PTGFR: variants seen among roughly 807,000 people sequenced by gnomAD.
The protein encoded by PTGFR is prostaglandin F2-alpha receptor.
Under a neutral mutation model 26.2 loss-of-function variants are expected in PTGFR, and 15 were observed. The ratio of observed to expected loss-of-function variants is 0.57; its 90% CI spans 0.38 to 0.88. The LOEUF (loss-of-function observed/expected upper bound fraction) is 0.88, where lower values mean the gene tolerates loss of function less well. PTGFR is among the 40% of genes least tolerant of loss of function. The pLI is 0.00. For synonymous variants in PTGFR, 165 were observed against 151.1 expected, an observed-to-expected ratio of 1.09 and a Z score of -0.68; for missense variants, 369 against 427.2, an observed-to-expected ratio of 0.86 and a Z score of 1.20.
intron 2 of PTGFR, among the ~76,000 whole-genome samples, chr1:78,532,644 T>C (rs564566811): frequency 6.6e-6 from 1 of 151,464 alleles, no homozygotes; most frequent in South Asian, 2.1e-4. Context: ...CTCTGCTCAC[T>C]GCAACCTCTG....
At chr1:78,513,102 C>G (rs1003441853) in intron 2 of PTGFR, among the ~76,000 whole-genome samples, 1 of 152,078 alleles carries the variant, frequency 6.6e-6, no homozygotes, top group African/African-American at 2.4e-5. Flanking sequence ...AGGACTAACA[C>G]AGAAAATTTA....
At chr1:78,506,231 A>G (rs1297575996) in intron 2 of PTGFR, among the ~76,000 whole-genome samples, 1 of 151,954 alleles carries the variant, frequency 6.6e-6, no homozygotes. Flanking sequence ...ATATTTTATT[A>G]TAATGGCTTT....
intron 2 of PTGFR, among the ~76,000 whole-genome samples, chr1:78,505,670 A>C (rs1392456168): frequency 2.0e-5 from 3 of 152,156 alleles, no homozygotes; most frequent in Non-Finnish European, 2.9e-5. Context: ...CCCAAAAGAA[A>C]ACCCTATATC....
chr1:78,500,912 G>T (rs774930642), intron 2 of PTGFR, among the ~76,000 whole-genome samples: 4 of 152,128 alleles, frequency 2.6e-5, no homozygotes, highest in Non-Finnish European at 5.9e-5. Flanking sequence ...GCTAGGATGA[G>T]AATTTACTCA....
At chr1:78,493,975 A>C (rs569573819) in intron 2 of PTGFR, among the ~76,000 whole-genome samples, 125 of 152,360 alleles carry the variant, frequency 8.2e-4, no homozygotes, top group Non-Finnish European at 1.5e-3. Context: ...AATGACCAGA[A>C]CTGCAAAGGG....
At chr1:78,518,119 A>C (rs1650136355) in intron 2 of PTGFR, among the ~76,000 whole-genome samples, 1 of 152,116 alleles carries the variant, frequency 6.6e-6, no homozygotes, top group South Asian at 2.1e-4. Flanking sequence ...CCAGAACTTA[A>C]AGTAGAATAA....
chr1:78,511,882 A>G (rs144932584), intron 2 of PTGFR, among the ~76,000 whole-genome samples: 1 of 152,264 alleles, frequency 6.6e-6, no homozygotes, highest in Non-Finnish European at 1.5e-5. Flanking sequence ...CACATCTTGA[A>G]CACTTTGCCG....
At chr1:78,525,189 T>C (rs1315978689) in intron 2 of PTGFR, among the ~76,000 whole-genome samples, 1 of 151,830 alleles carries the variant, frequency 6.6e-6, no homozygotes, top group Non-Finnish European at 1.5e-5. Context: ...TGACACTAAC[T>C]ACATGGAGTT....
chr1:78,492,912 A>G lies in PTGFR; in HGVS notation c.169A>G (p.Arg57Gly), dbSNP rs367629061. The part of the protein sequence containing the change: ...AIAILMKAYQ[R>G]FRQKSKASFL... ...CGCCATTCTCATGAAGGCATATCAG[A>G]GATTTAGACAGAAGTCCAAGGCATC... The change falls in exon 2 of 3, where the codon AGA (arginine) becomes GGA (glycine). Residue 57 changes from arginine to glycine, a missense_variant. Transcript: ENST00000370757. 4 of 1,614,214 alleles carry G rather than the reference A, an allele frequency of 2.5e-6. No homozygotes were observed. Among genetic ancestry groups the G allele is most frequent in the Non-Finnish European group, 3.4e-6 (4 of 1,180,046 alleles).
chr1:78,522,946 T>A (rs577333), intron 2 of PTGFR, among the ~76,000 whole-genome samples: 1 of 151,924 alleles, frequency 6.6e-6, no homozygotes, highest in African/African-American at 2.4e-5. Flanking sequence ...GTTTTAACTA[T>A]GTAATTATTA....
At chr1:78,532,079 G>T in intron 2 of PTGFR, 2 of 305,554 alleles carry the variant, frequency 6.5e-6, no homozygotes, top group Non-Finnish European at 1.3e-5. Context: ...TGAGGGAAGG[G>T]CAGGGAACAT....
At chr1:78,533,958 G>C (rs1650585261) in intron 2 of PTGFR, among the ~76,000 whole-genome samples, 1 of 152,042 alleles carries the variant, frequency 6.6e-6, no homozygotes, top group Admixed American at 6.6e-5. Context: ...CTTCCTCCAT[G>C]CTTCTTTGAC....
intron 2 of PTGFR, among the ~76,000 whole-genome samples, chr1:78,498,705 A>C (rs1570270601): frequency 6.6e-6 from 1 of 152,100 alleles, no homozygotes; most frequent in Admixed American, 6.6e-5. Context: ...AAAACAAACA[A>C]ACACACAAAC....
chr1:78,500,045 AT>A (rs911509201), intron 2 of PTGFR, among the ~76,000 whole-genome samples: 2 of 150,232 alleles, frequency 1.3e-5, no homozygotes, highest in South Asian at 2.1e-4. Flanking sequence ...ACAGCCACAC[AT>A]TTTTTTCATA....
At chr1:78,497,184 A>G (rs1380601899) in intron 2 of PTGFR, among the ~76,000 whole-genome samples, 5 of 152,156 alleles carry the variant, frequency 3.3e-5, no homozygotes, top group African/African-American at 1.2e-4. Flanking sequence ...TGTAGTACAA[A>G]CATAACATTT....
At chr1:78,498,703 C>A (rs1649622711) in intron 2 of PTGFR, among the ~76,000 whole-genome samples, 1 of 152,152 alleles carries the variant, frequency 6.6e-6, no homozygotes, top group South Asian at 2.1e-4. Context: ...TAAAAACAAA[C>A]AAACACACAA....
At chr1:78,495,206 G>T (rs1649517279) in intron 2 of PTGFR, among the ~76,000 whole-genome samples, 1 of 152,190 alleles carries the variant, frequency 6.6e-6, no homozygotes. Flanking sequence ...CCTGATAATT[G>T]TCAACTGAGG....
intron 2 of PTGFR, among the ~76,000 whole-genome samples, chr1:78,494,453 A>G (rs1649493992): frequency 6.6e-6 from 1 of 152,218 alleles, no homozygotes; most frequent in South Asian, 2.1e-4. Flanking sequence ...GTGGGAGGGC[A>G]TCCAGAGATA....
chr1:78,529,166 A>G (rs533382696), intron 2 of PTGFR, among the ~76,000 whole-genome samples: 3 of 152,266 alleles, frequency 2.0e-5, no homozygotes, highest in African/African-American at 7.2e-5. Flanking sequence ...GAAAAAACAT[A>G]ATGTGTTATA....
Sources: allele counts gnomAD v4.1 joint callset (sites outside exome capture counted in the v4.1 genomes callset), GRCh38; gene constraint gnomAD v4.1.1; transcripts MANE v1.5; gene names NCBI Gene and HGNC (gene_info 2026-07-23, HGNC 2026-07-21).